XKR9: variants seen among roughly 807,000 people sequenced by gnomAD.
XKR9 encodes XK related 9.
XKR9 carries 32 observed loss-of-function variants against 32.0 expected under a neutral mutation model. The ratio of observed to expected loss-of-function variants is 1.00; its 90% CI spans 0.76 to 1.34. The LOEUF (loss-of-function observed/expected upper bound fraction) is 1.34, where lower values mean the gene tolerates loss of function less well. XKR9 is among the 40% of genes most tolerant of loss of function. The pLI, the probability that XKR9 is intolerant of heterozygous loss-of-function variation, is 0.00. For missense variants in XKR9, 546 were observed against 429.7 expected (o/e 1.27, Z -2.39); for synonymous variants, 168 against 143.4 (o/e 1.17, Z -1.22).
chr8:71,029,829 T>C, the XKR9 span, among the ~76,000 whole-genome samples: 1 of 152,000 alleles, frequency 6.6e-6, no homozygotes, highest in Admixed American at 6.6e-5. Flanking sequence ...ATTCTTACTA[T>C]GTCCTCAGCC....
At chr8:70,899,966 G>A in the XKR9 span, among the ~76,000 whole-genome samples, 3 of 152,100 alleles carry the variant, frequency 2.0e-5, no homozygotes, top group African/African-American at 7.2e-5. Context: ...AAAAAGATGT[G>A]CATACACAAT....
Position 70,680,987 on chromosome 8 carries a change from T to C in XKR9, c.-72T>C, listed in dbSNP as rs1441672448. On this transcript the variant is annotated 5_prime_UTR_variant, in exon 3 of 5. Coordinates refer to ENST00000408926, the MANE Select transcript of XKR9 (RefSeq NM_001011720.2). ...AATGCTATACCAAAGGGTATACTAA[T>C]ATTTGTTTGGCTTTTTTTCCCTTTT... 2.1e-6 allele frequency: 3 copies of C among 1,438,242 alleles called. No homozygotes were observed. The Admixed American group carries it at 6.1e-5, about 29-fold the overall frequency. 89.1% of individuals were successfully genotyped at this position (1,438,242 alleles called of 1,614,324 possible).
chr8:70,739,724 T>C (rs1327976477), downstream of XKR9, among the ~76,000 whole-genome samples: 3 of 152,324 alleles, frequency 2.0e-5, no homozygotes, highest in South Asian at 2.1e-4. Context: ...CCTTCACTTA[T>C]TAAGCTTAGT....
the XKR9 span, among the ~76,000 whole-genome samples, chr8:70,998,830 A>G: frequency 6.6e-6 from 1 of 152,218 alleles, no homozygotes; most frequent in Admixed American, 6.5e-5. Flanking sequence ...GAGAGGGTCC[A>G]TGACCAGTCC....
chr8:70,986,771 C>G, the XKR9 span, among the ~76,000 whole-genome samples: 1 of 152,196 alleles, frequency 6.6e-6, no homozygotes, highest in East Asian at 1.9e-4. Flanking sequence ...AAACTCCAGG[C>G]AGACTCAGTA....
At chr8:70,974,424 G>C in the XKR9 span, among the ~76,000 whole-genome samples, 1 of 152,088 alleles carries the variant, frequency 6.6e-6, no homozygotes, top group Non-Finnish European at 1.5e-5. Flanking sequence ...CCCGGTGTTT[G>C]CTGTTCCCTG....
chr8:70,896,471 G>A, the XKR9 span, among the ~76,000 whole-genome samples: 1 of 151,452 alleles, frequency 6.6e-6, no homozygotes, highest in Admixed American at 6.6e-5. Flanking sequence ...AAATTTATGG[G>A]CCGACGGTCG....
At chr8:70,778,540 G>A (rs1467689892) in intron 2 of XKR9, among the ~76,000 whole-genome samples, 1 of 152,150 alleles carries the variant, frequency 6.6e-6, no homozygotes, top group Non-Finnish European at 1.5e-5. Context: ...ACTTTGGGCA[G>A]TATGACCATT....
the XKR9 span, among the ~76,000 whole-genome samples, chr8:70,818,501 A>G: frequency 2.6e-5 from 4 of 152,214 alleles, no homozygotes; most frequent in Non-Finnish European, 2.9e-5. Context: ...CACTTAAACT[A>G]TGACTGTTTA....
At chr8:70,957,006 C>G in the XKR9 span, among the ~76,000 whole-genome samples, 8 of 152,210 alleles carry the variant, frequency 5.3e-5, no homozygotes, top group African/African-American at 1.4e-4. Flanking sequence ...TTCCCTGCCC[C>G]CATTGGTTCC....
chr8:71,006,650 G>A, the XKR9 span, among the ~76,000 whole-genome samples: 1 of 152,152 alleles, frequency 6.6e-6, no homozygotes, highest in African/African-American at 2.4e-5. Flanking sequence ...AGGGACTCAA[G>A]CCAGTCCAAA....
At chr8:70,876,052 T>G in the XKR9 span, among the ~76,000 whole-genome samples, 4 of 152,116 alleles carry the variant, frequency 2.6e-5, no homozygotes, top group Non-Finnish European at 5.9e-5. Context: ...GTTTAAAACA[T>G]TGGATTCTTA....
At chr8:70,892,932 T>C in the XKR9 span, among the ~76,000 whole-genome samples, 2 of 152,176 alleles carry the variant, frequency 1.3e-5, no homozygotes, top group African/African-American at 4.8e-5. Flanking sequence ...AGGATTTCTA[T>C]ATATTTTTCT....
chr8:71,045,690 C>T, the XKR9 span, among the ~76,000 whole-genome samples: 2 of 152,172 alleles, frequency 1.3e-5, no homozygotes, highest in African/African-American at 4.8e-5. Flanking sequence ...GGCCAGGGCC[C>T]TCAGTGGGGG....
the XKR9 span, among the ~76,000 whole-genome samples, chr8:70,943,076 C>A: frequency 1.3e-5 from 2 of 152,046 alleles, no homozygotes; most frequent in Admixed American, 1.3e-4. Context: ...AAATTAATAA[C>A]CGAAGGAATG....
At chr8:70,778,181 G>A (rs1807560125) in intron 2 of XKR9, among the ~76,000 whole-genome samples, 1 of 151,562 alleles carries the variant, frequency 6.6e-6, no homozygotes, top group East Asian at 1.9e-4. Flanking sequence ...TGGCTACCCA[G>A]TTTTCCATTT....
the XKR9 span, among the ~76,000 whole-genome samples, chr8:71,006,360 C>G: frequency 6.6e-6 from 1 of 151,990 alleles, no homozygotes; most frequent in Non-Finnish European, 1.5e-5. Flanking sequence ...CACTAGCTAT[C>G]ATTGGCGTTA....
At chr8:70,835,422 C>A in the XKR9 span, among the ~76,000 whole-genome samples, 1 of 152,032 alleles carries the variant, frequency 6.6e-6, no homozygotes, top group South Asian at 2.1e-4. Flanking sequence ...GTAAAGAAAT[C>A]TGAGCATCAT....
At chr8:70,783,594 T>A (rs1807645308) in intron 2 of XKR9, among the ~76,000 whole-genome samples, 1 of 152,204 alleles carries the variant, frequency 6.6e-6, no homozygotes, top group Non-Finnish European at 1.5e-5. Context: ...GCTCCTTGTA[T>A]ATTTTGGATA....
Sources: gnomAD v4.1 joint callset for allele counts (sites outside exome capture counted in the v4.1 genomes callset) on GRCh38, gnomAD v4.1.1 for gene constraint, MANE v1.5 for transcripts, NCBI Gene and HGNC (gene_info 2026-07-23, HGNC 2026-07-21) for gene names.